SPOP: variants seen among roughly 807,000 people sequenced by gnomAD.
The protein encoded by SPOP is speckle-type POZ protein.
In SPOP, 11 loss-of-function variants were observed where a neutral mutation model predicts 45.6. The observed-to-expected ratio is 0.24, with a 90% confidence interval of 0.15 to 0.40. The LOEUF is 0.40. Ranked by LOEUF, SPOP falls within the 10% of genes least tolerant of loss-of-function variation. SPOP has a pLI of 1.00. For synonymous variants in SPOP, 166 were observed against 166.3 expected (o/e 1.00, Z 0.01); for missense variants, 152 against 465.6 (o/e 0.33, Z 6.20).
intron 2 of SPOP, 111 bp from the exon 3 acceptor site, chr17:49,622,178 A>ATCCTGCTCCCTCTGC (rs2072233340): frequency 7.2e-7 from 1 of 1,392,026 alleles, no homozygotes; most frequent in Non-Finnish European, 9.9e-7. Flanking sequence ...TCCTGATAGG[A>ATCCTGCTCCCTCTGC]AGATAGCAGT....
chr17:49,673,801 T>C (rs974809193), intron 1 of SPOP, among the ~76,000 whole-genome samples: 17 of 152,164 alleles, frequency 1.1e-4, no homozygotes. Flanking sequence ...TTCTGTTTTC[T>C]AATTGTTCTC....
intron 2 of SPOP, 108 bp from the exon 3 acceptor site, chr17:49,622,175 A>G (rs1050928025): frequency 7.1e-7 from 1 of 1,408,992 alleles, no homozygotes; most frequent in Non-Finnish European, 9.8e-7. Context: ...TGATCCTGAT[A>G]GGAAGATAGC....
At chr17:49,622,165 T>C in intron 2 of SPOP, 98 bp from the exon 3 acceptor site, 1 of 1,456,796 alleles carries the variant, frequency 6.9e-7, no homozygotes, top group South Asian at 1.2e-5. Context: ...TCCCTCTGCA[T>C]GATCCTGATA....
intron 1 of SPOP, among the ~76,000 whole-genome samples, chr17:49,652,688 G>A (rs560868263): frequency 6.6e-6 from 1 of 152,144 alleles, no homozygotes; most frequent in African/African-American, 2.4e-5. Flanking sequence ...ATACCAAATG[G>A]AACAAAAACA....
intron 1 of SPOP, among the ~76,000 whole-genome samples, chr17:49,626,479 G>A (rs553728242): frequency 6.6e-6 from 1 of 152,228 alleles, no homozygotes; most frequent in South Asian, 2.1e-4. Flanking sequence ...CGGGTCACCT[G>A]AGGTCAGGAG....
At position 49,600,770 on chromosome 17, in the gene SPOP, T is replaced by G; in HGVS notation, c.981-248A>C. 4.2e-6 allele frequency: 2 copies of G among 473,418 alleles called. No homozygotes were observed. Among genetic ancestry groups the G allele is most frequent in the Non-Finnish European group, 7.7e-6 (2 of 258,080 alleles). The allele number at this position is 473,418 out of a possible 1,614,324, so 29.3% of individuals were successfully genotyped here. A position where few individuals can be genotyped will look rare whatever the true frequency, so the allele number is the denominator to read the frequency against. The stretch of plus-strand genomic sequence containing the variant: ...ATTCTCAAAAACAAAAAGCAGAATG[T>G]TCCCCAGGCCCCCAACACTGCCTAT... On this transcript the variant is annotated intron_variant, in intron 9 of 9. Coordinates refer to ENST00000504102, the MANE Select transcript of SPOP (RefSeq NM_001007228.2). The surrounding 1 kb of genome is among the most constrained non-coding windows in gnomAD (Gnocchi z 4.2).
chr17:49,633,733 C>T (rs1468749827), intron 1 of SPOP, among the ~76,000 whole-genome samples: 2 of 152,142 alleles, frequency 1.3e-5, no homozygotes, highest in Non-Finnish European at 2.9e-5. Context: ...GGGGCAGATG[C>T]CACTCAAACA....
chr17:49,677,746 G>A (rs1357160246), intron 1 of SPOP, among the ~76,000 whole-genome samples, 187 bp downstream of exon 1: 1 of 152,028 alleles, frequency 6.6e-6, no homozygotes, highest in African/African-American at 2.4e-5. Context: ...ATAGGGAGAA[G>A]GGACGGCTGA....
intron 5 of SPOP, among the ~76,000 whole-genome samples, chr17:49,614,979 C>T (rs562028099): frequency 1.3e-5 from 2 of 152,106 alleles, no homozygotes; most frequent in African/African-American, 4.8e-5. Context: ...CTGCTTCACC[C>T]TCCCAAGTAG....
At chr17:49,667,538 A>T (rs1403279447) in intron 1 of SPOP, among the ~76,000 whole-genome samples, 1 of 152,176 alleles carries the variant, frequency 6.6e-6, no homozygotes, top group Non-Finnish European at 1.5e-5. Context: ...GTAGTGCACC[A>T]AGATCGCACC....
At chr17:49,643,874 G>A (rs2072704754) in intron 1 of SPOP, among the ~76,000 whole-genome samples, 1 of 151,078 alleles carries the variant, frequency 6.6e-6, no homozygotes, top group Non-Finnish European at 1.5e-5. Flanking sequence ...AGGTTGTAGT[G>A]AGCTGAGATC....
chr17:49,623,937 A>G (rs1362064086), intron 1 of SPOP, among the ~76,000 whole-genome samples: 2 of 152,042 alleles, frequency 1.3e-5, no homozygotes. Flanking sequence ...CCATCCCAAC[A>G]ATGTCAAATT....
At chr17:49,645,501 T>G (rs1302150556) in intron 1 of SPOP, among the ~76,000 whole-genome samples, 1 of 151,934 alleles carries the variant, frequency 6.6e-6, no homozygotes, top group African/African-American at 2.4e-5. Flanking sequence ...TGGGGCATGT[T>G]GGTGAGGCGG....
At chr17:49,641,519 C>A (rs1343109850) in intron 1 of SPOP, among the ~76,000 whole-genome samples, 2 of 149,848 alleles carry the variant, frequency 1.3e-5, no homozygotes, top group African/African-American at 2.5e-5. Context: ...TTAATGTTTT[C>A]TTTTAGATTC....
chr17:49,637,153 C>T (rs1597951179), intron 1 of SPOP, among the ~76,000 whole-genome samples: 1 of 151,866 alleles, frequency 6.6e-6, no homozygotes, highest in Non-Finnish European at 1.5e-5. Context: ...AGGAGGGACA[C>T]GCAGGGCAGG....
chr17:49,627,806 C>T (rs534641291), intron 1 of SPOP, among the ~76,000 whole-genome samples: 1 of 152,294 alleles, frequency 6.6e-6, no homozygotes, highest in South Asian at 2.1e-4. Context: ...TTTGTAGCTA[C>T]ATCTTTTCCC....
chr17:49,628,227 C>G (rs1470972925), intron 1 of SPOP, among the ~76,000 whole-genome samples: 1 of 152,214 alleles, frequency 6.6e-6, no homozygotes, highest in African/African-American at 2.4e-5. Context: ...CTAGTACGCT[C>G]AAACTCTGAG....
intron 1 of SPOP, among the ~76,000 whole-genome samples, chr17:49,647,069 C>T (rs547209834): frequency 1.6e-4 from 24 of 152,024 alleles, no homozygotes; most frequent in Non-Finnish European, 3.1e-4. Context: ...GCAGGCACAT[C>T]GCCTGAGCTC....
Position 49,619,941 on chromosome 17 carries a change from T to C in SPOP, c.201-556A>G, listed in dbSNP as rs1425035261. Reference sequence around the variant, plus strand: ...TGGGAGGCCAAAGCGGGCGCATCACTTGAGGTCAGGACTTCGAGGCCAGCC... The same window carrying C: ...TGGGAGGCCAAAGCGGGCGCATCACCTGAGGTCAGGACTTCGAGGCCAGCC... On this transcript the variant is annotated intron_variant, in intron 3 of 9. Transcript: ENST00000504102. This position sits in a 1 kb window ranked among gnomAD's most constrained non-coding sequence, Gnocchi z 4.9. Among the ~76,000 whole-genome samples the C allele has an allele frequency of 1.3e-5, 2 of 152,008 alleles. No homozygotes were observed. Among genetic ancestry groups the C allele is most frequent in the Non-Finnish European group, 2.9e-5 (2 of 67,996 alleles).
Sources: allele counts gnomAD v4.1 joint callset (sites outside exome capture counted in the v4.1 genomes callset), GRCh38; gene constraint gnomAD v4.1.1; non-coding constraint Gnocchi (gnomAD v3.1); transcripts MANE v1.5; gene names NCBI Gene and HGNC (gene_info 2026-07-23, HGNC 2026-07-21).